Variants in TTC21B observed in about 807,000 individuals in gnomAD.
TTC21B encodes tetratricopeptide repeat protein 21B.
In TTC21B, 127 loss-of-function variants were observed where a neutral mutation model predicts 175.1. That is an observed-to-expected ratio of 0.73 (90% confidence interval 0.63 to 0.84). TTC21B has a LOEUF of 0.84. TTC21B is among the 40% of genes least tolerant of loss of function. TTC21B has a pLI of 0.00. For missense variants in TTC21B, 1,561 were observed against 1,558.3 expected, an observed-to-expected ratio of 1.00 and a Z score of -0.03; for synonymous variants, 524 against 524.5, an observed-to-expected ratio of 1.00 and a Z score of 0.01.
intron 15 of TTC21B, 111 bp from the exon 16 acceptor site, chr2:165,913,757 A>C: frequency 1.1e-6 from 1 of 870,472 alleles, no homozygotes; most frequent in Admixed American, 2.1e-5. Flanking sequence ...TAGCCTTCAG[A>C]GTATCTCTAT....
At chr2:165,949,878 A>G (rs1687707892) in intron 1 of TTC21B, 154 bp from the exon 2 acceptor site, 2 of 663,076 alleles carry the variant, frequency 3.0e-6, no homozygotes, top group Non-Finnish European at 5.1e-6. Context: ...AATGGCTAGA[A>G]CTCAATGCTA....
chr2:165,891,932 T>A (rs1685209180), intron 22 of TTC21B, among the ~76,000 whole-genome samples: 1 of 152,102 alleles, frequency 6.6e-6, no homozygotes, highest in Admixed American at 6.5e-5. Context: ...ACAAAATAGA[T>A]GTTTATTTAA....
At chr2:165,912,475 T>A (rs1685989390) in intron 17 of TTC21B, 39 bp downstream of exon 17, 12 of 1,505,340 alleles carry the variant, frequency 8.0e-6, no homozygotes, top group Non-Finnish European at 1.1e-5. Flanking sequence ...TATGATAAAT[T>A]TGATGCAACA....
chr2:165,900,458 CATTA>C (rs1245362519), intron 20 of TTC21B, among the ~76,000 whole-genome samples: 1 of 152,164 alleles, frequency 6.6e-6, no homozygotes, highest in Admixed American at 6.5e-5. Context: ...AGTGTTTAGC[CATTA>C]ATTATTTTCA....
intron 26 of TTC21B, among the ~76,000 whole-genome samples, chr2:165,882,085 C>T (rs1294487814): frequency 6.6e-6 from 1 of 152,168 alleles, no homozygotes; most frequent in African/African-American, 2.4e-5. Flanking sequence ...CTTGTCTCAT[C>T]CCAACCCTAG....
Position 165,911,439 on chromosome 2 carries a change from C to G in TTC21B, c.2349G>C (p.Leu783=). 6.2e-7 allele frequency: 1 copy of G among 1,613,706 alleles called. No individual in the cohort carries two copies. The highest frequency in any genetic ancestry group is 8.5e-7 in the Non-Finnish European group (1 of 1,179,846). The change falls in exon 18 of 29, where the codon CTG becomes CTC. Residue 783 remains leucine, a synonymous_variant. Transcript: ENST00000243344. ...AAAGATAATTCTTTTGTCCAGTTTT[C>G]AGAGCAGCTTCATAGTAAGTGATTG... ...SMAITYYEAA[L]KTGQKNYLCY...
intron 27 of TTC21B, among the ~76,000 whole-genome samples, chr2:165,876,495 T>C (rs920867688): frequency 6.6e-6 from 1 of 152,170 alleles, no homozygotes; most frequent in African/African-American, 2.4e-5. Flanking sequence ...ATCCCACAAG[T>C]GTGGTTTCTA....
intron 24 of TTC21B, among the ~76,000 whole-genome samples, chr2:165,888,921 G>A (rs1482359605): frequency 4.1e-5 from 2 of 48,446 alleles, no homozygotes; most frequent in Non-Finnish European, 6.0e-5. Context: ...GCTTGAACAG[G>A]TAAAGTAATT....
chr2:165,922,217 T>C (rs1220417437), intron 12 of TTC21B, among the ~76,000 whole-genome samples: 3 of 152,174 alleles, frequency 2.0e-5, no homozygotes, highest in Non-Finnish European at 4.4e-5. Context: ...TGAAATATCA[T>C]GTGGCTTAAT....
At chr2:165,876,328 G>A in intron 27 of TTC21B, 96 bp from the exon 28 acceptor site, 2 of 804,206 alleles carry the variant, frequency 2.5e-6, no homozygotes, top group Admixed American at 1.8e-5. Context: ...ACTAGAGAAT[G>A]GTAAGGGAGG....
At chr2:165,900,243 C>T (rs1685511859) in intron 20 of TTC21B, among the ~76,000 whole-genome samples, 1 of 152,112 alleles carries the variant, frequency 6.6e-6, no homozygotes, top group African/African-American at 2.4e-5. Context: ...TAAAAAGCTT[C>T]AAGCAGATAA....
At chr2:165,894,413 T>C (rs1685293628) in intron 22 of TTC21B, among the ~76,000 whole-genome samples, 1 of 152,156 alleles carries the variant, frequency 6.6e-6, no homozygotes, top group Non-Finnish European at 1.5e-5. Flanking sequence ...GGATAACCAA[T>C]AATGTACACA....
intron 19 of TTC21B, among the ~76,000 whole-genome samples, chr2:165,905,690 A>C (rs1348849885): frequency 6.6e-6 from 1 of 152,164 alleles, no homozygotes; most frequent in Non-Finnish European, 1.5e-5. Context: ...AGAAATCCAC[A>C]ATTACACTGA....
chr2:165,880,943 AT>A, intron 26 of TTC21B, 144 bp from the exon 27 acceptor site: 1 of 795,864 alleles, frequency 1.3e-6, no homozygotes, highest in Non-Finnish European at 2.0e-6. Context: ...AGGCAATCAA[AT>A]TTTTTACTGA....
At chr2:165,928,947 A>G (rs1686779080) in intron 11 of TTC21B, 188 bp downstream of exon 11, 8 of 601,624 alleles carry the variant, frequency 1.3e-5, no homozygotes, top group South Asian at 2.0e-5. Flanking sequence ...TTGCAAACCA[A>G]TACTTTCAGT....
chr2:165,948,640 C>T (rs1026178288), intron 3 of TTC21B: 1 of 152,200 alleles, frequency 6.6e-6, no homozygotes, highest in African/African-American at 2.4e-5. Context: ...ACTACTTCTT[C>T]TTTATTACAT....
At chr2:165,898,097 G>T (rs1056156921) in intron 22 of TTC21B, among the ~76,000 whole-genome samples, 12 of 152,168 alleles carry the variant, frequency 7.9e-5, no homozygotes, top group Admixed American at 7.9e-4. Flanking sequence ...GGGAGGGGAT[G>T]AGAGTTAAGA....
Position 165,945,656 on chromosome 2 carries a change from C to T in TTC21B, c.297G>A (p.Val99=), listed in dbSNP as rs1251332062. The change falls in exon 4 of 29, where the codon GTG becomes GTA. Residue 99 remains valine (V), a synonymous_variant. Transcript: ENST00000243344. ...REAILESDAR[V]KEQRKGAGEK... is the part of the protein sequence containing the mutation. ...CTCCAGCTCCTTTACGTTGTTCCTT[C>T]ACTCTGGCATCTGATTCCAGAATAG... 1 of 1,613,576 alleles carries T rather than the reference C, an allele frequency of 6.2e-7. No homozygotes were observed. The highest frequency in any genetic ancestry group is 8.5e-7 in the Non-Finnish European group (1 of 1,179,906).
At chr2:165,937,080 G>A (rs1174766325) in intron 6 of TTC21B, among the ~76,000 whole-genome samples, 3 of 151,856 alleles carry the variant, frequency 2.0e-5, no homozygotes, top group Admixed American at 6.6e-5. Flanking sequence ...GTGGTACATC[G>A]AAACAATGAA....
Sources: gnomAD v4.1 joint callset for allele counts (sites outside exome capture counted in the v4.1 genomes callset) on GRCh38, gnomAD v4.1.1 for gene constraint, MANE v1.5 for transcripts, NCBI Gene and HGNC (gene_info 2026-07-23, HGNC 2026-07-21) for gene names.